Variants in STARD3NL observed in about 807,000 individuals in gnomAD.
STARD3NL encodes the protein STARD3 N-terminal like, also known as STARD3 N-terminal-like protein.
Under a neutral mutation model 30.9 loss-of-function variants are expected in STARD3NL, and 17 were observed. That is an observed-to-expected ratio of 0.55 (90% CI 0.38 to 0.82). The LOEUF is 0.82. Among genes scored for constraint, STARD3NL ranks in the 40% least tolerant of loss-of-function variants. STARD3NL has a pLI of 0.00. For missense variants in STARD3NL, 234 were observed against 277.6 expected (o/e 0.84, Z 1.12); for synonymous variants, 112 against 100.5 (o/e 1.11, Z -0.69).
chr7:38,195,568 T>TTAC (rs1312969140), intron 1 of STARD3NL, among the ~76,000 whole-genome samples: 1 of 152,252 alleles, frequency 6.6e-6, no homozygotes, highest in Non-Finnish European at 1.5e-5. Context: ...AATTATTGTA[T>TTAC]AGTCAAGTTC....
chr7:38,191,920 A>AG, intron 1 of STARD3NL, among the ~76,000 whole-genome samples: 1 of 151,634 alleles, frequency 6.6e-6, no homozygotes, highest in East Asian at 1.9e-4. Flanking sequence ...TAAAAAAAAA[A>AG]GCATGGTGGG....
intron 1 of STARD3NL, among the ~76,000 whole-genome samples, chr7:38,185,326 T>C (rs938278107): frequency 6.6e-6 from 1 of 152,346 alleles, no homozygotes; most frequent in Non-Finnish European, 1.5e-5. Flanking sequence ...TACAAACCTT[T>C]ATCTGTGGTA....
intron 6 of STARD3NL, 38 bp from the exon 7 acceptor site, chr7:38,219,527 T>G: frequency 6.7e-7 from 1 of 1,481,492 alleles, no homozygotes; most frequent in Non-Finnish European, 9.4e-7. Flanking sequence ...ACCAGAAAGG[T>G]GACCTCATTC....
At chr7:38,200,227 C>A (rs1019782310) in intron 1 of STARD3NL, among the ~76,000 whole-genome samples, 2 of 152,124 alleles carry the variant, frequency 1.3e-5, no homozygotes, top group African/African-American at 4.8e-5. Context: ...CCCCACTGTT[C>A]CCCTCAAAGC....
intron 1 of STARD3NL, among the ~76,000 whole-genome samples, chr7:38,183,130 T>A (rs2115902790): frequency 6.6e-6 from 1 of 152,360 alleles, no homozygotes; most frequent in South Asian, 2.1e-4. Flanking sequence ...TATGTTAAAT[T>A]CCTCAAAGGT....
At chr7:38,215,612 C>CT (rs1231406542) in intron 4 of STARD3NL, 1 of 154,068 alleles carries the variant, frequency 6.5e-6, no homozygotes, top group African/African-American at 2.4e-5. Flanking sequence ...TTTTACTCCT[C>CT]TGTTTCCTGG....
chr7:38,219,733 C>G, intron 7 of STARD3NL, 73 bp downstream of exon 7: 1 of 1,279,556 alleles, frequency 7.8e-7, no homozygotes, highest in Non-Finnish European at 1.1e-6. Context: ...TTTCCCTACC[C>G]CCTCTGTTTC....
chr7:38,202,151 T>A (rs1785212190), intron 1 of STARD3NL: 1 of 152,260 alleles, frequency 6.6e-6, no homozygotes, highest in Non-Finnish European at 1.5e-5. Flanking sequence ...ATGTTGTTGC[T>A]GTACCTTCCA....
intron 7 of STARD3NL, among the ~76,000 whole-genome samples, chr7:38,220,801 C>T (rs886302364): frequency 6.6e-6 from 1 of 152,174 alleles, no homozygotes; most frequent in Admixed American, 6.6e-5. Context: ...GAATATTATT[C>T]TCCATTAAAA....
Position 38,214,376 on chromosome 7 carries a change from A to G in STARD3NL, c.245A>G (p.Asn82Ser). The G allele has an allele frequency of 6.2e-7, 1 of 1,607,666 alleles. No homozygotes were observed. Among genetic ancestry groups the G allele is most frequent in the Non-Finnish European group, 8.5e-7 (1 of 1,175,416 alleles). Residue 82 changes from asparagine (N) to serine (S), a missense_variant, in exon 3 of 9, where the codon AAC (asparagine) becomes AGC (serine). Transcript: ENST00000009041. ...IELNVNGGIE[N>S]TLEKEVMQYD... is the part of the protein sequence containing the mutation. ...TTCTAGGTGAATGGAGGCATTGAGA[A>G]CACATTAGAGAAGGAGGTGATGCAG...
At chr7:38,197,531 T>G (rs761939533) in intron 1 of STARD3NL, among the ~76,000 whole-genome samples, 6 of 152,192 alleles carry the variant, frequency 3.9e-5, no homozygotes, top group Non-Finnish European at 8.8e-5. Flanking sequence ...GAATAGCTTA[T>G]CTACAAACCA....
At chr7:38,206,286 C>G (rs1785474824) in intron 1 of STARD3NL, among the ~76,000 whole-genome samples, 1 of 152,168 alleles carries the variant, frequency 6.6e-6, no homozygotes, top group African/African-American at 2.4e-5. Flanking sequence ...ACTGGCGATT[C>G]ATGTACCAGC....
chr7:38,178,834 T>C (rs1784127938), intron 1 of STARD3NL, among the ~76,000 whole-genome samples: 1 of 147,438 alleles, frequency 6.8e-6, no homozygotes, highest in African/African-American at 2.5e-5. Flanking sequence ...CGGTTGTGAG[T>C]CTCTTCTATT....
Position 38,207,535 on chromosome 7 carries a change from G to T in STARD3NL, c.31G>T (p.Ala11Ser), listed in dbSNP as rs752557250. The T allele has an allele frequency of 6.2e-7, 1 of 1,613,798 alleles. No homozygotes were observed. The highest frequency in any genetic ancestry group is 8.5e-7 in the Non-Finnish European group (1 of 1,179,924). The change falls in exon 2 of 9, where the codon GCT becomes TCT. Residue 11 changes from alanine (A) to serine (S), a missense_variant. Coordinates refer to ENST00000009041, the MANE Select transcript of STARD3NL (RefSeq NM_032016.4). ...CCACCTGCCAGAAGACATGGAGAAC[G>T]CTCTCACCGGGAGCCAGAGCTCCCA... MNHLPEDMEN[A>S]LTGSQSSHAS...
At chr7:38,182,355 C>G (rs1313055886) in intron 1 of STARD3NL, among the ~76,000 whole-genome samples, 1 of 152,182 alleles carries the variant, frequency 6.6e-6, no homozygotes. Flanking sequence ...TGAAGGCACA[C>G]TGTCACAAAT....
chr7:38,214,724 C>T (rs1036952180), intron 3 of STARD3NL, among the ~76,000 whole-genome samples: 24 of 152,176 alleles, frequency 1.6e-4, no homozygotes, highest in African/African-American at 5.8e-4. Context: ...TCAAATAGAA[C>T]CCATTGACAT....
intron 8 of STARD3NL, 37 bp downstream of exon 8, chr7:38,228,908 T>G: frequency 6.8e-7 from 1 of 1,467,818 alleles, no homozygotes; most frequent in Non-Finnish European, 9.5e-7. Flanking sequence ...AACAAAGTAG[T>G]TAAGTATGGA....
intron 1 of STARD3NL, among the ~76,000 whole-genome samples, chr7:38,187,626 A>G: frequency 6.6e-6 from 1 of 150,904 alleles, no homozygotes. Context: ...AATAGATACA[A>G]TTTATTAGTT....
chr7:38,192,963 A>G (rs1331397488), intron 1 of STARD3NL, among the ~76,000 whole-genome samples: 1 of 151,330 alleles, frequency 6.6e-6, no homozygotes, highest in African/African-American at 2.4e-5. Context: ...TATGTCAGGG[A>G]TGTGTTTCTC....
Sources: allele counts gnomAD v4.1 joint callset (sites outside exome capture counted in the v4.1 genomes callset), GRCh38; gene constraint gnomAD v4.1.1; transcripts MANE v1.5; gene names NCBI Gene and HGNC (gene_info 2026-07-23, HGNC 2026-07-21).